Variants in COLGALT2 observed in about 807,000 individuals in gnomAD.
COLGALT2 encodes collagen beta(1-O)galactosyltransferase 2.
Under a neutral mutation model 73.4 loss-of-function variants are expected in COLGALT2, and 49 were observed. The observed-to-expected ratio is 0.67, with a 90% CI of 0.53 to 0.85. The LOEUF (loss-of-function observed/expected upper bound fraction) is 0.85, where lower values mean the gene tolerates loss of function less well. Ranked by LOEUF, COLGALT2 falls within the 40% of genes least tolerant of loss-of-function variation. The probability of loss-of-function intolerance (pLI) is 0.00; values close to 1 mark genes in which losing one functional copy is unlikely to be tolerated. For synonymous variants in COLGALT2, 295 were observed against 307.6 expected, an observed-to-expected ratio of 0.96 and a Z score of 0.43; for missense variants, 722 against 790.2, an observed-to-expected ratio of 0.91 and a Z score of 1.03.
At chr1:183,935,382 T>C (rs1669927728), downstream of COLGALT2, among the ~76,000 whole-genome samples, 1 of 152,200 alleles carries the variant, frequency 6.6e-6, no homozygotes, top group Admixed American at 6.5e-5. Context: ...CACAGCCTGG[T>C]TTTTGAGATT....
At chr1:183,967,473 C>T (rs746757258) in intron 5 of COLGALT2, among the ~76,000 whole-genome samples, 41 of 152,154 alleles carry the variant, frequency 2.7e-4, no homozygotes, top group Non-Finnish European at 5.3e-4. Context: ...AAAGTCTGAC[C>T]AATAACACAC....
At chr1:183,956,830 G>A (rs929245699) in intron 6 of COLGALT2, among the ~76,000 whole-genome samples, 1 of 152,182 alleles carries the variant, frequency 6.6e-6, no homozygotes, top group African/African-American at 2.4e-5. Context: ...ACTGAAGGCA[G>A]CAGTAAGCCA....
intron 6 of COLGALT2, among the ~76,000 whole-genome samples, chr1:183,959,760 A>G (rs1670647077): frequency 6.6e-6 from 1 of 152,076 alleles, no homozygotes; most frequent in Admixed American, 6.6e-5. Context: ...TTACTCTTGG[A>G]GTAAAATCTA....
chr1:183,951,464 C>T (rs995181136), intron 7 of COLGALT2, among the ~76,000 whole-genome samples: 1 of 151,918 alleles, frequency 6.6e-6, no homozygotes, highest in Non-Finnish European at 1.5e-5. Context: ...AAGATGCCAC[C>T]AAAAAACCAT....
chr1:184,034,298 GT>G (rs1649605837), intron 1 of COLGALT2, among the ~76,000 whole-genome samples: 1 of 130,914 alleles, frequency 7.6e-6, no homozygotes, highest in Non-Finnish European at 1.7e-5. Flanking sequence ...TTTTTTGCTT[GT>G]TTTTTGCCTT....
chr1:184,015,023 G>A (rs1648954690), intron 1 of COLGALT2, among the ~76,000 whole-genome samples: 1 of 152,128 alleles, frequency 6.6e-6, no homozygotes, highest in Non-Finnish European at 1.5e-5. Context: ...CAGACATGGG[G>A]CTGGGGGATG....
intron 1 of COLGALT2, among the ~76,000 whole-genome samples, chr1:183,986,206 G>A (rs983645123): frequency 2.6e-5 from 4 of 152,088 alleles, no homozygotes; most frequent in African/African-American, 9.7e-5. Context: ...AACTAGATAT[G>A]GATATGGTTA....
At position 183,937,517 on chromosome 1, in the gene COLGALT2, A is replaced by G. The variant is rs1256510475; in HGVS notation, c.*1244T>C. 1 of 985,304 alleles carries G rather than the reference A, an allele frequency of 1.0e-6. No individual in the cohort carries two copies. Among genetic ancestry groups the G allele is most frequent in the Non-Finnish European group, 1.2e-6 (1 of 829,966 alleles). The allele number at this position is 985,304 out of a possible 1,614,324, so 61.0% of individuals were successfully genotyped here. A position where few individuals can be genotyped will look rare whatever the true frequency, so the allele number is the denominator to read the frequency against. ...AAGAGCTTCCCTGGTTGCTGGCCTAAATCAGGTGACCAGCCCTTTGTTTCT... is the reference window on the plus strand; with the variant it reads ...AAGAGCTTCCCTGGTTGCTGGCCTAGATCAGGTGACCAGCCCTTTGTTTCT... On this transcript the variant is annotated 3_prime_UTR_variant, in exon 12 of 12. Coordinates refer to ENST00000361927, the MANE Select transcript of COLGALT2 (RefSeq NM_015101.4).
At chr1:184,000,825 ATTT>A (rs149091262) in intron 1 of COLGALT2, among the ~76,000 whole-genome samples, 4 of 113,218 alleles carry the variant, frequency 3.5e-5, no homozygotes, top group African/African-American at 7.0e-5. Flanking sequence ...TCAGCCCCCC[ATTT>A]TTTTTTTTTT....
intron 1 of COLGALT2, among the ~76,000 whole-genome samples, chr1:184,025,744 G>A (rs12131861): frequency 0.017 from 2,543 of 152,202 alleles, 31 homozygotes; most frequent in Non-Finnish European, 0.025. Context: ...AACACCTTTC[G>A]CACAGTATAA....
chr1:183,952,368 G>A (rs1477315160), intron 7 of COLGALT2, among the ~76,000 whole-genome samples: 1 of 152,120 alleles, frequency 6.6e-6, no homozygotes, highest in Non-Finnish European at 1.5e-5. Context: ...TAATGTTTAT[G>A]GGTCCAGTTC....
intron 1 of COLGALT2, among the ~76,000 whole-genome samples, chr1:184,000,955 G>A (rs12027096): frequency 0.081 from 12,176 of 150,690 alleles, 891 homozygotes; most frequent in East Asian, 0.44. Flanking sequence ...TCAGCCTCCC[G>A]AGTATCTGGG....
At chr1:184,022,839 T>C (rs1649217460) in intron 1 of COLGALT2, among the ~76,000 whole-genome samples, 1 of 152,240 alleles carries the variant, frequency 6.6e-6, no homozygotes, top group Non-Finnish European at 1.5e-5. Context: ...GGGCATTTTA[T>C]GCTTTCATGC....
intron 1 of COLGALT2, among the ~76,000 whole-genome samples, chr1:184,035,034 C>T (rs1037760730): frequency 1.1e-4 from 17 of 152,218 alleles, no homozygotes; most frequent in African/African-American, 3.9e-4. Context: ...TCTTCAATGA[C>T]TGACGCAAGC....
At chr1:183,965,509 G>T (rs909561260) in intron 5 of COLGALT2, among the ~76,000 whole-genome samples, 1 of 152,090 alleles carries the variant, frequency 6.6e-6, no homozygotes, top group African/African-American at 2.4e-5. Flanking sequence ...AAGAAGAGGA[G>T]GACGATTATA....
chr1:183,936,534 AT>A lies in COLGALT2; in HGVS notation c.*2226del, dbSNP rs1169375480. ...CTGACAGGGGAACAGGAAAAAAAAA[AT>A]TCTCTATTAAACAAAACACCACAAA... On this transcript the variant is annotated 3_prime_UTR_variant, in exon 12 of 12. Transcript: ENST00000361927. The A allele has an allele frequency of 9.5e-7, 1 of 1,053,042 alleles. No individual in the cohort carries two copies. The highest frequency in any genetic ancestry group is 1.1e-6 in the Non-Finnish European group (1 of 874,738). The allele number at this position is 1,053,042 out of a possible 1,614,324, so 65.2% of individuals were successfully genotyped here.
Position 184,037,346 on chromosome 1 carries a change from G to C in COLGALT2, c.12C>G (p.Arg4=). The change falls in exon 1 of 12, where the codon CGC becomes CGG. Residue 4 remains arginine, a synonymous_variant. Coordinates refer to ENST00000361927, the MANE Select transcript of COLGALT2 (RefSeq NM_015101.4). Reference sequence around the variant, plus strand: ...GCGACCAGGCGAGGGTGGCAGCAGGGCGCGCAGCCATGTTCCGGGCCGAGG... The same window carrying C: ...GCGACCAGGCGAGGGTGGCAGCAGGCCGCGCAGCCATGTTCCGGGCCGAGG... The part of the protein sequence containing the change: MAA[R]PAATLAWSLL... 6.7e-7 allele frequency: 1 copy of C among 1,485,102 alleles called. No individual in the cohort carries two copies. The highest frequency in any genetic ancestry group is 9.0e-7 in the Non-Finnish European group (1 of 1,117,086). The allele number at this position is 1,485,102 out of a possible 1,614,324, so 92.0% of individuals were successfully genotyped here. A position where few individuals can be genotyped will look rare whatever the true frequency, so the allele number is the denominator to read the frequency against.
In COLGALT2 at chr1:183,956,633, G is replaced by T. The variant is rs114620884; in HGVS notation, c.953-1795C>A. 6.3e-3 allele frequency among the ~76,000 whole-genome samples: 958 copies of T among 152,238 alleles called. 15 individuals carry two copies. The highest frequency in any genetic ancestry group is 0.022 in the African/African-American group (926 of 41,538). Reference sequence around the variant, plus strand: ...CATTCTAGGCTGCTGGTCTCCTTTGGACTCACATGGCCTGTGTGGCTTTAA... The same window carrying T: ...CATTCTAGGCTGCTGGTCTCCTTTGTACTCACATGGCCTGTGTGGCTTTAA... On this transcript the variant is annotated intron_variant, in intron 6 of 11. Coordinates refer to ENST00000361927, the MANE Select transcript of COLGALT2 (RefSeq NM_015101.4).
chr1:184,009,142 T>C (rs1049523138), intron 1 of COLGALT2, among the ~76,000 whole-genome samples: 3 of 152,214 alleles, frequency 2.0e-5, no homozygotes, highest in African/African-American at 7.2e-5. Context: ...CAAATAAGCC[T>C]GCAAACTTCA....
Sources: allele counts gnomAD v4.1 joint callset (sites outside exome capture counted in the v4.1 genomes callset), GRCh38; gene constraint gnomAD v4.1.1; transcripts MANE v1.5; gene names NCBI Gene and HGNC (gene_info 2026-07-23, HGNC 2026-07-21).